OGDHL: variants seen among roughly 807,000 people sequenced by gnomAD.
OGDHL encodes 2-oxoglutarate dehydrogenase-like, mitochondrial.
OGDHL carries 79 observed loss-of-function variants against 109.6 expected under a neutral mutation model. The observed-to-expected ratio is 0.72, with a 90% CI of 0.60 to 0.87. OGDHL has a LOEUF of 0.87. Ranked by LOEUF, OGDHL falls within the 40% of genes least tolerant of loss-of-function variation. OGDHL has a pLI of 0.00. For synonymous variants in OGDHL, 528 were observed against 537.2 expected, an observed-to-expected ratio of 0.98 and a Z score of 0.24; for missense variants, 1,275 against 1,362.2, an observed-to-expected ratio of 0.94 and a Z score of 1.01.
chr10:49,752,200 G>C lies in OGDHL; in HGVS notation c.527C>G (p.Pro176Arg). ...EADLDKEFQLPTTTFIGGSEN... is the reference protein window; with the variant it reads ...EADLDKEFQLRTTTFIGGSEN... ...AGAGCCCCCAATGAAGGTGGTTGTC[G>C]GCAGCTGGAACTCCTTATCAAGGTC... Residue 176 changes from proline (P) to arginine (R), a missense_variant, in exon 5 of 23, where the codon CCG becomes CGG. Transcript: ENST00000374103. The C allele has an allele frequency of 6.2e-7, 1 of 1,614,064 alleles. No homozygotes were observed.
chr10:49,760,153 T>C (rs994837254), intron 1 of OGDHL, among the ~76,000 whole-genome samples: 1 of 152,186 alleles, frequency 6.6e-6, no homozygotes, highest in African/African-American at 2.4e-5. Flanking sequence ...GCAGCAAGCC[T>C]GAACAGAGAA....
intron 15 of OGDHL, among the ~76,000 whole-genome samples, chr10:49,741,814 AC>A (rs946801331): frequency 1.9e-4 from 28 of 147,630 alleles, no homozygotes; most frequent in Admixed American, 6.8e-4. Flanking sequence ...AACACACCAC[AC>A]ACATATACAC....
At chr10:49,750,698 A>G (rs1842526883) in intron 7 of OGDHL, 141 bp downstream of exon 7, 1 of 1,182,402 alleles carries the variant, frequency 8.5e-7, no homozygotes, top group Non-Finnish European at 1.1e-6. Flanking sequence ...GGCCAGGCCC[A>G]GGACTCAGAA....
At chr10:49,743,793 GAGC>G in intron 14 of OGDHL, 198 bp downstream of exon 14, 1 of 552,340 alleles carries the variant, frequency 1.8e-6, no homozygotes. Flanking sequence ...GTGGCATCTG[GAGC>G]TGCCCAGCTC....
intron 3 of OGDHL, 40 bp from the exon 4 acceptor site, chr10:49,752,780 G>A (rs750071938): frequency 6.9e-7 from 1 of 1,453,846 alleles, no homozygotes; most frequent in Middle Eastern, 1.8e-4. Flanking sequence ...CTGGGACCCA[G>A]CTGGACAGAC....
rs1418501694 is a variant in OGDHL, at chr10:49,735,355, G to T, written c.2910-4C>A. On this transcript the variant is annotated splice_region_variant and splice_polypyrimidine_tract_variant and intron_variant, in intron 22 of 22. Transcript: ENST00000374103. ...CGCTGGGTCCCGGCCAACATACCTG[G>T]AGGAGGAGAGACAAGCTAAGGGGAA... The T allele has an allele frequency of 5.0e-6, 8 of 1,611,858 alleles. No individual in the cohort carries two copies. The South Asian group carries it at 7.7e-5, about 16-fold the overall frequency.
At chr10:49,744,527 A>T (rs1264936105) in intron 13 of OGDHL, 123 bp downstream of exon 13, 5 of 746,490 alleles carry the variant, frequency 6.7e-6, no homozygotes, top group Non-Finnish European at 1.1e-5. Context: ...GGACTCAGTG[A>T]TAGAGCCTGC....
chr10:49,747,328 A>ATCG, intron 8 of OGDHL, 120 bp from the exon 9 acceptor site: 1 of 1,070,664 alleles, frequency 9.3e-7, no homozygotes, highest in Non-Finnish European at 1.4e-6. Flanking sequence ...ACTGCCTCAG[A>ATCG]GGGCCAAGCT....
intron 17 of OGDHL, chr10:49,738,583 A>C: frequency 2.4e-6 from 1 of 409,352 alleles, no homozygotes; most frequent in East Asian, 5.0e-5. Context: ...GCTGTACAGG[A>C]GGCAGAGTTC....
In OGDHL at chr10:49,736,019, G is replaced by A; in HGVS notation, c.2909+4C>T. 6.4e-7 allele frequency: 1 copy of A among 1,567,974 alleles called. No homozygotes were observed. The stretch of plus-strand genomic sequence containing the variant: ...GAGGGGCAATCAGCGGCCCCACCAT[G>A]TACCATATGGGCCGTGCGCGCCTCA... On this transcript the variant is annotated splice_donor_region_variant and intron_variant, in intron 22 of 22. Transcript: ENST00000374103.
intron 8 of OGDHL, among the ~76,000 whole-genome samples, chr10:49,747,425 C>T (rs12251270): frequency 0.017 from 2,531 of 152,284 alleles, 63 homozygotes; most frequent in African/African-American, 0.054. Flanking sequence ...GGCTCAGAGC[C>T]TCTCTGTACA....
intron 8 of OGDHL, among the ~76,000 whole-genome samples, chr10:49,747,978 C>A (rs911373325): frequency 1.3e-5 from 2 of 152,172 alleles, no homozygotes; most frequent in African/African-American, 4.8e-5. Flanking sequence ...CTCTTTTGAA[C>A]CTATTATATC....
At chr10:49,745,720 G>T (rs1842129995) in intron 11 of OGDHL, 78 bp downstream of exon 11, 3 of 1,518,560 alleles carry the variant, frequency 2.0e-6, no homozygotes, top group Admixed American at 1.8e-5. Flanking sequence ...GAGTGCTGAA[G>T]ATGCTGATGA....
rs1162139085 is a variant in OGDHL at position 49,744,705 on chromosome 10, C to T, written c.1677G>A (p.Arg559=). Residue 559 remains arginine (R), a synonymous_variant, in exon 13 of 23, where the codon AGG becomes AGA. Coordinates refer to ENST00000374103, the MANE Select transcript of OGDHL (RefSeq NM_018245.3). ...YDRICEEAYG[R]SKDKKILHIK... ...TATGCAGAATCTTTTTATCCTTGGA[C>T]CTGCCATAAGCCTCCTCACAGATCC... 6.2e-7 allele frequency: 1 copy of T among 1,614,202 alleles called. No homozygotes were observed. The highest frequency in any genetic ancestry group is 1.1e-5 in the South Asian group (1 of 91,076).
intron 2 of OGDHL, among the ~76,000 whole-genome samples, chr10:49,757,440 A>G (rs1256686512): frequency 6.6e-6 from 1 of 152,192 alleles, no homozygotes; most frequent in Non-Finnish European, 1.5e-5. Context: ...TACAATCCCC[A>G]TGGAAAGCAA....
At chr10:49,752,572 G>A (rs888683363) in intron 4 of OGDHL, 66 bp downstream of exon 4, 61 of 1,327,314 alleles carry the variant, frequency 4.6e-5, no homozygotes, top group Non-Finnish European at 6.3e-5. Flanking sequence ...TGTCCCTAGT[G>A]CCCGTGGGCC....
chr10:49,748,847 G>C (rs1166481491), intron 8 of OGDHL, among the ~76,000 whole-genome samples: 1 of 152,046 alleles, frequency 6.6e-6, no homozygotes, highest in Non-Finnish European at 1.5e-5. Context: ...AGAGGAGGGA[G>C]TGACAGGCTC....
rs199945479 is a variant in OGDHL at position 49,751,995 on chromosome 10, T to C, written c.595-14A>G. On this transcript the variant is annotated splice_polypyrimidine_tract_variant and intron_variant, in intron 5 of 22. Coordinates refer to ENST00000374103, the MANE Select transcript of OGDHL (RefSeq NM_018245.3). ...GCAGTAGGTGTTCTGGGGAGACACA[T>C]TGGGACCCCATGAGGAGCGGGGAAG... 64 of 1,614,012 alleles carry C rather than the reference T, an allele frequency of 4.0e-5. No individual in the cohort carries two copies. The highest frequency in any genetic ancestry group is 1.6e-4 in the Middle Eastern group (1 of 6,062).
chr10:49,735,899 C>A, intron 22 of OGDHL, 124 bp downstream of exon 22: 1 of 1,069,582 alleles, frequency 9.3e-7, no homozygotes, highest in Non-Finnish European at 1.3e-6. Flanking sequence ...TGATGATGCC[C>A]CATCATTGCT....
Sources: gnomAD v4.1 joint callset for allele counts (sites outside exome capture counted in the v4.1 genomes callset) on GRCh38, gnomAD v4.1.1 for gene constraint, MANE v1.5 for transcripts, NCBI Gene and HGNC (gene_info 2026-07-23, HGNC 2026-07-21) for gene names.